Variants in EIF3K observed in about 807,000 individuals in gnomAD.
EIF3K encodes the protein eIF-3 p28.
A neutral mutation model predicts 34.2 loss-of-function variants in EIF3K; 27 were observed. That is an observed-to-expected ratio of 0.79 (90% CI 0.58 to 1.09). The LOEUF (loss-of-function observed/expected upper bound fraction) is 1.09, where lower values mean the gene tolerates loss of function less well. Among genes scored for constraint, EIF3K ranks in the 50% least tolerant of loss-of-function variants. The pLI is 0.00. For synonymous variants in EIF3K, 105 were observed against 105.7 expected (o/e 0.99, Z 0.04); for missense variants, 232 against 275.4 (o/e 0.84, Z 1.11).
intron 3 of EIF3K, among the ~76,000 whole-genome samples, chr19:38,625,385 C>T (rs1278762088): frequency 2.0e-5 from 3 of 151,838 alleles, no homozygotes; most frequent in Admixed American, 6.6e-5. Context: ...AGGCTGCTCT[C>T]GAACTCCTGA....
chr19:38,632,828 G>A lies in EIF3K; in HGVS notation c.499+150G>A. ...AGGAGGAAATAAGAACTTGGTATAA[G>A]ACAGTCTCTGCCTTGAGGGAGATCC... On this transcript the variant is annotated intron_variant, in intron 6 of 7. Transcript: ENST00000248342. 4.6e-6 allele frequency: 3 copies of A among 647,268 alleles called. No individual in the cohort carries two copies. The South Asian group carries it at 6.7e-5, about 15-fold the overall frequency. 40.1% of individuals were successfully genotyped at this position (647,268 alleles called of 1,614,324 possible).
intron 3 of EIF3K, among the ~76,000 whole-genome samples, chr19:38,624,981 C>T (rs1475724976): frequency 6.6e-6 from 1 of 152,048 alleles, no homozygotes; most frequent in Non-Finnish European, 1.5e-5. Flanking sequence ...CCAGGGCCTC[C>T]TGGAGGAGGG....
At chr19:38,619,840 C>T (rs1334153906) in intron 1 of EIF3K, among the ~76,000 whole-genome samples, 1 of 152,238 alleles carries the variant, frequency 6.6e-6, no homozygotes, top group African/African-American at 2.4e-5. Flanking sequence ...CCTTCACGGT[C>T]TGAGTTCCCT....
chr19:38,627,906 T>C (rs1243810769), intron 4 of EIF3K, among the ~76,000 whole-genome samples: 2 of 116,964 alleles, frequency 1.7e-5, no homozygotes, highest in Non-Finnish European at 3.3e-5. Context: ...TTTTCTTTCC[T>C]TTTTTTTTTT....
chr19:38,636,303 A>G lies in EIF3K; in HGVS notation c.626-586A>G, dbSNP rs551660922. On this transcript the variant is annotated intron_variant, in intron 7 of 7. Transcript: ENST00000248342. ...CAGCCCTGCCGGGGGAGTAGACGGG[A>G]GGGTTCCCTCTGTCTCAGTTCTGGC... Among the ~76,000 whole-genome samples, 4 of 152,244 alleles carry G rather than the reference A, an allele frequency of 2.6e-5. No homozygotes were observed. The South Asian group carries it at 8.3e-4, about 32-fold the overall frequency.
chr19:38,636,815 G>A (rs1976201670), intron 7 of EIF3K, 74 bp from the exon 8 acceptor site: 3 of 1,549,374 alleles, frequency 1.9e-6, no homozygotes, highest in South Asian at 2.2e-5. Context: ...AAAGAATTGT[G>A]GGTGCTGTAG....
At chr19:38,619,352 C>G in intron 1 of EIF3K, 25 bp downstream of exon 1, 1 of 1,613,212 alleles carries the variant, frequency 6.2e-7, no homozygotes, top group Non-Finnish European at 8.5e-7. Context: ...GGAGGAAGCG[C>G]TCTGGCCAAG....
intron 3 of EIF3K, among the ~76,000 whole-genome samples, chr19:38,624,695 G>A (rs1184164501): frequency 2.6e-5 from 4 of 151,796 alleles, no homozygotes; most frequent in African/African-American, 7.3e-5. Context: ...CCGAGATTGC[G>A]CCACTGCACT....
intron 4 of EIF3K, 106 bp downstream of exon 4, chr19:38,626,208 G>GGCCCAGTGCTCTGCATGTGT: frequency 9.6e-7 from 1 of 1,038,294 alleles, no homozygotes; most frequent in Non-Finnish European, 1.5e-6. Context: ...TTTGGCGGTG[G>GGCCCAGTGCTCTGCATGTGT]GCCCAGTGCT....
At chr19:38,624,242 A>G in intron 3 of EIF3K, 45 bp downstream of exon 3, 1 of 1,611,816 alleles carries the variant, frequency 6.2e-7, no homozygotes, top group Non-Finnish European at 8.5e-7. Flanking sequence ...GGAAGGGGTC[A>G]GAGTCAAGGT....
chr19:38,623,757 A>G (rs1039788140), intron 2 of EIF3K, among the ~76,000 whole-genome samples: 10 of 152,198 alleles, frequency 6.6e-5, no homozygotes, highest in African/African-American at 2.4e-4. Context: ...GTCACTCAGC[A>G]GGGAAGTTTA....
chr19:38,632,245 G>A (rs184261577), intron 4 of EIF3K, 185 bp from the exon 5 acceptor site: 8 of 593,216 alleles, frequency 1.3e-5, no homozygotes, highest in East Asian at 1.2e-4. Context: ...GTGAGACCTC[G>A]TCTATGTAAC....
chr19:38,630,921 C>G (rs1976051495), intron 4 of EIF3K: 1 of 152,222 alleles, frequency 6.6e-6, no homozygotes, highest in Non-Finnish European at 1.5e-5. Flanking sequence ...GGTGATCCGC[C>G]CGCCTCAGCC....
At chr19:38,624,431 A>C (rs2062285178) in intron 3 of EIF3K, among the ~76,000 whole-genome samples, 1 of 152,146 alleles carries the variant, frequency 6.6e-6, no homozygotes, top group South Asian at 2.1e-4. Context: ...TGGAGTGGTC[A>C]GGGTTGGGTT....
At chr19:38,622,789 G>A (rs1975870658) in intron 2 of EIF3K, among the ~76,000 whole-genome samples, 1 of 152,216 alleles carries the variant, frequency 6.6e-6, no homozygotes, top group African/African-American at 2.4e-5. Flanking sequence ...CCCTAGGTGC[G>A]CATTCTCTTT....
At chr19:38,625,471 G>T (rs1975929755) in intron 3 of EIF3K, among the ~76,000 whole-genome samples, 1 of 147,636 alleles carries the variant, frequency 6.8e-6, no homozygotes, top group Non-Finnish European at 1.5e-5. Flanking sequence ...CAGCCTATAG[G>T]TTTTATTTTA....
chr19:38,624,966 A>G (rs1975918240), intron 3 of EIF3K, among the ~76,000 whole-genome samples: 1 of 152,160 alleles, frequency 6.6e-6, no homozygotes, highest in Non-Finnish European at 1.5e-5. Context: ...ACTAGAAACT[A>G]TAAACCAGGG....
In EIF3K at chr19:38,631,195, A is replaced by C. The variant is rs1320423818; in HGVS notation, c.355-1235A>C. Among the ~76,000 whole-genome samples the C allele has an allele frequency of 2.6e-5, 4 of 152,282 alleles. No homozygotes were observed. In the East Asian group the frequency reaches 7.7e-4, roughly 29 times the overall value. On this transcript the variant is annotated intron_variant, in intron 4 of 7. Transcript: ENST00000248342. ...AGTGTTTCTCGTTAGGTGGAATGAG[A>C]GACTTGGAAAAGAGACATAGAGACA...
intron 6 of EIF3K, 154 bp downstream of exon 6, chr19:38,632,832 G>GAGACTGTCTTA: frequency 1.6e-6 from 1 of 626,046 alleles, no homozygotes; most frequent in Non-Finnish European, 2.7e-6. Flanking sequence ...GTATAAGACA[G>GAGACTGTCTTA]TCTCTGCCTT....
Sources: allele counts gnomAD v4.1 joint callset (sites outside exome capture counted in the v4.1 genomes callset), GRCh38; gene constraint gnomAD v4.1.1; transcripts MANE v1.5; gene names NCBI Gene and HGNC (gene_info 2026-07-23, HGNC 2026-07-21).